Variants in ADARB1 observed in about 807,000 individuals in gnomAD.
ADARB1 encodes double-stranded RNA-specific editase 1.
ADARB1 carries 10 observed loss-of-function variants against 52.4 expected under a neutral mutation model. The observed-to-expected ratio is 0.19, with a 90% CI of 0.12 to 0.32. ADARB1 has a LOEUF of 0.32. Ranked by LOEUF, ADARB1 falls within the 10% of genes least tolerant of loss-of-function variation. ADARB1 has a pLI of 1.00. For missense variants in ADARB1, 643 were observed against 922.3 expected (o/e 0.70, Z 3.92); for synonymous variants, 349 against 371.1 (o/e 0.94, Z 0.68).
rs1349270637 is a variant in ADARB1 at position 45,226,511 on chromosome 21, TACAG to T, written c.*4318_*4321del. 24 of 152,670 alleles carry T rather than the reference TACAG, an allele frequency of 1.6e-4. No individual in the cohort carries two copies. The highest frequency in any genetic ancestry group is 1.5e-5 in the Non-Finnish European group (1 of 68,048). The allele number at this position is 152,670 out of a possible 1,614,324, so 9.5% of individuals were successfully genotyped here. On this transcript the variant is annotated 3_prime_UTR_variant, in exon 11 of 11. Coordinates refer to ENST00000348831, the MANE Select transcript of ADARB1 (RefSeq NM_001112.4). ...GAACTGAGCATGAGACGCTGTCAAA[TACAG>T]ACAAAGGATTTGAGATGTTCTCAAT...
intron 2 of ADARB1, among the ~76,000 whole-genome samples, chr21:45,130,803 A>G (rs2088884540): frequency 6.6e-6 from 1 of 152,146 alleles, no homozygotes; most frequent in African/African-American, 2.4e-5. Flanking sequence ...TTTGCTTGAA[A>G]AGACTGAAGT....
chr21:45,080,407 T>A (rs997754549), intron 1 of ADARB1, among the ~76,000 whole-genome samples: 23 of 152,282 alleles, frequency 1.5e-4, no homozygotes, highest in African/African-American at 5.3e-4. Flanking sequence ...AGAGCAGGGA[T>A]GCTCAGCTCT....
intron 1 of ADARB1, among the ~76,000 whole-genome samples, chr21:45,084,962 ACTGGGTTACC>A: frequency 6.6e-6 from 1 of 152,254 alleles, no homozygotes; most frequent in Non-Finnish European, 1.5e-5. Context: ...CAGACACAAT[ACTGGGTTACC>A]CTGGGACCAT....
rs143930339 is a variant in ADARB1, at chr21:45,211,526, T to C, written c.1747+6790T>C. On this transcript the variant is annotated intron_variant, in intron 9 of 10. Transcript: ENST00000348831. ...CCCATAATAACCCTAAAATATCCAT[T>C]AATCATTATGTATATTATTCATTTT... is the stretch of plus-strand genomic sequence containing the variant. 8.5e-5 allele frequency among the ~76,000 whole-genome samples: 13 copies of C among 152,334 alleles called. 1 individual carries two copies. The East Asian group carries it at 2.5e-3, about 29-fold the overall frequency.
chr21:45,203,321 C>T (rs2092601059), intron 8 of ADARB1, among the ~76,000 whole-genome samples: 1 of 152,266 alleles, frequency 6.6e-6, no homozygotes, highest in South Asian at 2.1e-4. Flanking sequence ...AGGGTCACCC[C>T]AGGAGCATTC....
chr21:45,195,032 A>G (rs1459256267), intron 8 of ADARB1, among the ~76,000 whole-genome samples: 1 of 152,208 alleles, frequency 6.6e-6, no homozygotes, highest in East Asian at 1.9e-4. Flanking sequence ...TTGCATTCCC[A>G]CCAACAATGA....
chr21:45,074,862 A>G (rs1263911804), intron 1 of ADARB1, 69 bp downstream of exon 1: 1 of 148,330 alleles, frequency 6.7e-6, no homozygotes, highest in African/African-American at 2.5e-5. Flanking sequence ...GGCGGCGTTT[A>G]TGTAAGCGCC....
rs1319882755 is a variant in ADARB1 at position 45,223,258 on chromosome 21, T to C, written c.*1061T>C. 26 of 985,310 alleles carry C rather than the reference T, an allele frequency of 2.6e-5. No individual in the cohort carries two copies. The highest frequency in any genetic ancestry group is 3.0e-5 in the Non-Finnish European group (25 of 829,932). 61.0% of individuals were successfully genotyped at this position (985,310 alleles called of 1,614,324 possible). A position where few individuals can be genotyped will look rare whatever the true frequency, so the allele number is the denominator to read the frequency against. ...ATTGTTTCCAGCTTTATCAAAGACATGTTTGAAAAATAAAAAGCATCCAAG... is the reference window on the plus strand; with the variant it reads ...ATTGTTTCCAGCTTTATCAAAGACACGTTTGAAAAATAAAAAGCATCCAAG... On this transcript the variant is annotated 3_prime_UTR_variant, in exon 11 of 11. Transcript: ENST00000348831.
chr21:45,141,041 A>G (rs1177615415), intron 2 of ADARB1, among the ~76,000 whole-genome samples: 1 of 152,106 alleles, frequency 6.6e-6, no homozygotes, highest in East Asian at 1.9e-4. Flanking sequence ...AATAAAAGTA[A>G]AAATAAATTA....
intron 1 of ADARB1, among the ~76,000 whole-genome samples, chr21:45,117,223 G>C (rs1308526221): frequency 6.6e-6 from 1 of 152,200 alleles, no homozygotes; most frequent in Non-Finnish European, 1.5e-5. Flanking sequence ...GGGAGACCTA[G>C]CCGCTGCTGT....
intron 2 of ADARB1, among the ~76,000 whole-genome samples, chr21:45,136,480 G>A (rs1366203626): frequency 1.3e-5 from 2 of 152,238 alleles, no homozygotes; most frequent in Admixed American, 6.5e-5. Context: ...GTGGAGTCGT[G>A]ATGTTTGCTA....
At chr21:45,164,632 A>G (rs1393654587) in intron 2 of ADARB1, among the ~76,000 whole-genome samples, 1 of 152,070 alleles carries the variant, frequency 6.6e-6, no homozygotes, top group Non-Finnish European at 1.5e-5. Context: ...CAGGGAGGGA[A>G]CAGGGAAGCA....
Position 45,097,038 on chromosome 21 carries a change from C to T in ADARB1, c.-220+22245C>T, listed in dbSNP as rs544348587. Among the ~76,000 whole-genome samples, 3 of 152,344 alleles carry T rather than the reference C, an allele frequency of 2.0e-5. No homozygotes were observed. The South Asian group carries it at 6.2e-4, about 32-fold the overall frequency. On this transcript the variant is annotated intron_variant, in intron 1 of 10. Coordinates refer to ENST00000348831, the MANE Select transcript of ADARB1 (RefSeq NM_001112.4). ...ACAGGTGTGAGCCACTGCGCCCAGC[C>T]TTTCTCCTCTTTTTAAATGTTCTCA... is the stretch of plus-strand genomic sequence containing the variant.
rs75912659 is a variant in ADARB1, at chr21:45,128,251, G to A, written c.-219-151G>A. Among the ~76,000 whole-genome samples, 639 of 152,328 alleles carry A rather than the reference G, an allele frequency of 4.2e-3. 4 individuals carry two copies. Among genetic ancestry groups the A allele is most frequent in the African/African-American group, 0.015 (603 of 41,556 alleles). ...TTGCGCATATCCCCTTTACAGATTCGGAAGAGTACATTTAAAATAACTTAA... is the reference window on the plus strand; with the variant it reads ...TTGCGCATATCCCCTTTACAGATTCAGAAGAGTACATTTAAAATAACTTAA... On this transcript the variant is annotated intron_variant, in intron 1 of 10. Coordinates refer to ENST00000348831, the MANE Select transcript of ADARB1 (RefSeq NM_001112.4). This position sits in a 1 kb window ranked among gnomAD's most constrained non-coding sequence, Gnocchi z 4.6.
rs371150162 is a variant in ADARB1, at chr21:45,220,482, G to C, written c.1748-354G>C. Among the ~76,000 whole-genome samples, 4 of 152,268 alleles carry C rather than the reference G, an allele frequency of 2.6e-5. No individual in the cohort carries two copies. The East Asian group carries it at 7.7e-4, about 29-fold the overall frequency. On this transcript the variant is annotated intron_variant, in intron 9 of 10. Coordinates refer to ENST00000348831, the MANE Select transcript of ADARB1 (RefSeq NM_001112.4). The surrounding 1 kb of genome is among the most constrained non-coding windows in gnomAD (Gnocchi z 6.3). Reference sequence around the variant, plus strand: ...GTGGCTCCCACCCATCCACTCTCAGGCTGCCAAGGTTCCTGGCTCCGTCAG... The same window carrying C: ...GTGGCTCCCACCCATCCACTCTCAGCCTGCCAAGGTTCCTGGCTCCGTCAG...
At chr21:45,122,365 G>A (rs950000416) in intron 1 of ADARB1, among the ~76,000 whole-genome samples, 3 of 152,226 alleles carry the variant, frequency 2.0e-5, no homozygotes, top group African/African-American at 7.2e-5. Flanking sequence ...ACAACTTGCA[G>A]TGTACTTGCT....
chr21:45,206,221 T>G (rs887949597), intron 9 of ADARB1, among the ~76,000 whole-genome samples: 4 of 152,258 alleles, frequency 2.6e-5, no homozygotes, highest in African/African-American at 9.6e-5. Context: ...CACTCATCTT[T>G]TATATGCATA....
chr21:45,193,851 A>C (rs1158274438), intron 8 of ADARB1, among the ~76,000 whole-genome samples: 1 of 152,232 alleles, frequency 6.6e-6, no homozygotes, highest in East Asian at 1.9e-4. Flanking sequence ...ATGGAGAGAT[A>C]CATCATGGTC....
In ADARB1 at chr21:45,225,523, G is replaced by A. The variant is rs1471523824; in HGVS notation, c.*3326G>A. ...TCGCCACTTTCTTTGTGAAGACAGT[G>A]TCTCTCCTTGTAATCTCACACAGGT... On this transcript the variant is annotated 3_prime_UTR_variant, in exon 11 of 11. Coordinates refer to ENST00000348831, the MANE Select transcript of ADARB1 (RefSeq NM_001112.4). The A allele has an allele frequency of 7.5e-7, 1 of 1,328,882 alleles. No individual in the cohort carries two copies. The allele number at this position is 1,328,882 out of a possible 1,614,324, so 82.3% of individuals were successfully genotyped here. A position where few individuals can be genotyped will look rare whatever the true frequency, so the allele number is the denominator to read the frequency against.
Sources: allele counts gnomAD v4.1 joint callset (sites outside exome capture counted in the v4.1 genomes callset), GRCh38; gene constraint gnomAD v4.1.1; non-coding constraint Gnocchi (gnomAD v3.1); transcripts MANE v1.5; gene names NCBI Gene and HGNC (gene_info 2026-07-23, HGNC 2026-07-21).